EYS: variants seen among roughly 807,000 people sequenced by gnomAD.
EYS encodes the protein protein eyes shut homolog.
A neutral mutation model predicts 282.1 loss-of-function variants in EYS; 250 were observed. The observed-to-expected ratio is 0.89, with a 90% CI of 0.80 to 0.98. The LOEUF is 0.98. EYS is among the 50% of genes least tolerant of loss of function. The pLI is 0.00. For synonymous variants in EYS, 1,355 were observed against 1,282.9 expected (o/e 1.06, Z -1.20); for missense variants, 4,016 against 3,709.0 (o/e 1.08, Z -2.15).
chr6:64,881,642 C>G (rs1449963330), intron 19 of EYS, among the ~76,000 whole-genome samples: 1 of 151,670 alleles, frequency 6.6e-6, no homozygotes, highest in Non-Finnish European at 1.5e-5. Context: ...TTCAACAAGG[C>G]TTGGGATGTA....
chr6:63,900,711 T>G (rs1773637426), intron 35 of EYS, among the ~76,000 whole-genome samples: 1 of 152,212 alleles, frequency 6.6e-6, no homozygotes, highest in Admixed American at 6.5e-5. Flanking sequence ...GCTTATTGGC[T>G]TGAGGTGTTG....
At chr6:63,972,854 A>C (rs543327700) in intron 35 of EYS, among the ~76,000 whole-genome samples, 2 of 152,168 alleles carry the variant, frequency 1.3e-5, no homozygotes, top group Non-Finnish European at 2.9e-5. Context: ...ATGTCCCTGC[A>C]AAGGACATGA....
intron 19 of EYS, among the ~76,000 whole-genome samples, chr6:64,827,330 A>C (rs1765090234): frequency 6.6e-6 from 1 of 151,848 alleles, no homozygotes; most frequent in East Asian, 1.9e-4. Context: ...ATTGCATATC[A>C]GCTAATATCA....
At chr6:64,213,187 T>C (rs1175110372) in intron 31 of EYS, among the ~76,000 whole-genome samples, 3 of 152,130 alleles carry the variant, frequency 2.0e-5, no homozygotes, top group Non-Finnish European at 4.4e-5. Flanking sequence ...AGTTTACCTA[T>C]GTAACAAACC....
intron 33 of EYS, among the ~76,000 whole-genome samples, chr6:64,031,727 A>C (rs150796798): frequency 2.3e-3 from 343 of 152,202 alleles, no homozygotes; most frequent in African/African-American, 7.8e-3. Flanking sequence ...GGGGACTTGG[A>C]GAACTTTTGT....
chr6:65,035,248 C>T (rs1583420435), intron 13 of EYS, among the ~76,000 whole-genome samples: 1 of 152,050 alleles, frequency 6.6e-6, no homozygotes, highest in Non-Finnish European at 1.5e-5. Context: ...AAACACACAT[C>T]ATACTGAACA....
chr6:63,721,963 A>T (rs1561994553), intron 42 of EYS, among the ~76,000 whole-genome samples, 166 bp from the exon 43 acceptor site: 1 of 152,142 alleles, frequency 6.6e-6, no homozygotes, highest in Non-Finnish European at 1.5e-5. Context: ...CAAAATGCAT[A>T]TATCCTGTAT....
chr6:64,353,066 A>G lies in EYS; in HGVS notation c.6078+35624T>C, dbSNP rs1398319945. ...TAAAGTGGTTACCAGTATAGGGAAGAGAATACCTCCCCCTACACACACAAA... is the reference window on the plus strand; with the variant it reads ...TAAAGTGGTTACCAGTATAGGGAAGGGAATACCTCCCCCTACACACACAAA... On this transcript the variant is annotated intron_variant, in intron 29 of 42. Transcript: ENST00000503581. Among the ~76,000 whole-genome samples the G allele has an allele frequency of 2.6e-5, 4 of 151,662 alleles. No individual in the cohort carries two copies. In the East Asian group the frequency reaches 5.9e-4, roughly 22 times the overall value.
intron 22 of EYS, among the ~76,000 whole-genome samples, chr6:64,666,032 A>C (rs936051566): frequency 2.6e-5 from 4 of 152,180 alleles, no homozygotes; most frequent in African/African-American, 9.7e-5. Flanking sequence ...AGTTGGAGCT[A>C]AATAAAAACA....
At chr6:64,030,478 A>G (rs1313046456) in intron 33 of EYS, among the ~76,000 whole-genome samples, 2 of 152,210 alleles carry the variant, frequency 1.3e-5, no homozygotes, top group Admixed American at 6.5e-5. Context: ...ACTGCCGAGG[A>G]CTAGACCTCC....
intron 14 of EYS, among the ~76,000 whole-genome samples, chr6:64,963,482 A>G (rs1386925239): frequency 1.3e-5 from 2 of 152,140 alleles, no homozygotes; most frequent in Admixed American, 1.3e-4. Context: ...CGACTTGAAT[A>G]TTGTCAACAG....
At position 65,654,828 on chromosome 6, in the gene EYS, T is replaced by A. The variant is rs117241398; in HGVS notation, c.-447-14936A>T. Reference sequence around the variant, plus strand: ...CATACCACGGAGAGACACAAAGTGGTACCAGAGACCAGCTCATTAAGTTTA... The same window carrying A: ...CATACCACGGAGAGACACAAAGTGGAACCAGAGACCAGCTCATTAAGTTTA... On this transcript the variant is annotated intron_variant, in intron 1 of 42. Coordinates refer to ENST00000503581, the MANE Select transcript of EYS (RefSeq NM_001142800.2). Among the ~76,000 whole-genome samples, 69 of 151,704 alleles carry A rather than the reference T, an allele frequency of 4.5e-4. 1 individual carries two copies. The East Asian group carries it at 9.3e-3, about 20-fold the overall frequency.
intron 1 of EYS, among the ~76,000 whole-genome samples, chr6:65,673,537 C>T (rs62407743): frequency 0.16 from 23,823 of 151,848 alleles, 2,023 homozygotes; most frequent in South Asian, 0.3. Flanking sequence ...GGGGGTTCAG[C>T]GTAAGTTTTT....
intron 19 of EYS, among the ~76,000 whole-genome samples, chr6:64,857,016 C>T (rs1249202236): frequency 6.6e-6 from 1 of 151,982 alleles, no homozygotes; most frequent in Non-Finnish European, 1.5e-5. Flanking sequence ...TCTAGTTATT[C>T]CTGCATCATT....
At chr6:64,551,173 T>G (rs1050217281) in intron 26 of EYS, among the ~76,000 whole-genome samples, 1 of 149,724 alleles carries the variant, frequency 6.7e-6, no homozygotes, top group African/African-American at 2.4e-5. Context: ...TGTATATACA[T>G]ATATACACAC....
chr6:64,684,181 C>T (rs2149907250), intron 22 of EYS, among the ~76,000 whole-genome samples: 1 of 152,284 alleles, frequency 6.6e-6, no homozygotes, highest in Middle Eastern at 3.4e-3. Context: ...TGAATGGTAT[C>T]TGACTTCCGG....
intron 12 of EYS, among the ~76,000 whole-genome samples, chr6:65,238,829 A>G (rs898795464): frequency 2.0e-5 from 3 of 149,972 alleles, no homozygotes; most frequent in African/African-American, 7.5e-5. Context: ...TATTAGAAAT[A>G]CCAATAAATA....
At position 64,864,376 on chromosome 6, in the gene EYS, C is replaced by G. The variant is rs544891683; in HGVS notation, c.2992+22321G>C. ...AATAATTTTGAGAAATACAGAGGTG[C>G]TATACCTTCTTTTTTTTTTTTTTTT... On this transcript the variant is annotated intron_variant, in intron 19 of 42. Coordinates refer to ENST00000503581, the MANE Select transcript of EYS (RefSeq NM_001142800.2). Among the ~76,000 whole-genome samples, 3 of 62,110 alleles carry G rather than the reference C, an allele frequency of 4.8e-5. No homozygotes were observed. The Admixed American group carries it at 6.2e-4, about 13-fold the overall frequency. 40.7% of individuals were successfully genotyped at this position (62,110 alleles called of 152,430 possible). A position where few individuals can be genotyped will look rare whatever the true frequency, so the allele number is the denominator to read the frequency against.
At chr6:65,045,896 C>T (rs543409885) in intron 13 of EYS, among the ~76,000 whole-genome samples, 1 of 151,956 alleles carries the variant, frequency 6.6e-6, no homozygotes, top group South Asian at 2.1e-4. Context: ...TTTGTTATAG[C>T]ACTGCAAACA....
Sources: allele counts gnomAD v4.1 joint callset (sites outside exome capture counted in the v4.1 genomes callset), GRCh38; gene constraint gnomAD v4.1.1; transcripts MANE v1.5; gene names NCBI Gene and HGNC (gene_info 2026-07-23, HGNC 2026-07-21).